MAGI2: variants seen among roughly 807,000 people sequenced by gnomAD.
MAGI2 encodes the protein membrane-associated guanylate kinase, WW and PDZ domain-containing protein 2.
A neutral mutation model predicts 133.3 loss-of-function variants in MAGI2; 35 were observed. That is an observed-to-expected ratio of 0.26 (90% CI 0.20 to 0.35). The LOEUF is 0.35. Ranked by LOEUF, MAGI2 falls within the 10% of genes least tolerant of loss-of-function variation. The pLI, the probability that MAGI2 is intolerant of heterozygous loss-of-function variation, is 1.00. For missense variants in MAGI2, 1,636 were observed against 1,863.4 expected (o/e 0.88, Z 2.25); for synonymous variants, 729 against 710.6 (o/e 1.03, Z -0.41).
chr7:78,113,824 T>C (rs536910442), intron 20 of MAGI2, among the ~76,000 whole-genome samples: 118 of 152,196 alleles, frequency 7.8e-4, no homozygotes, highest in Non-Finnish European at 1.6e-3. Flanking sequence ...AGTAGAAGAA[T>C]AGAAGAAATT....
chr7:78,512,054 C>A (rs140686465), intron 4 of MAGI2, among the ~76,000 whole-genome samples: 1 of 150,810 alleles, frequency 6.6e-6, no homozygotes, highest in Non-Finnish European at 1.5e-5. Flanking sequence ...ACCAGGGAGG[C>A]GGAGCTTGCG....
rs911654546 is a variant in MAGI2, at chr7:78,404,555, A to G, written c.1046-35342T>C. Among the ~76,000 whole-genome samples the G allele has an allele frequency of 1.3e-5, 2 of 152,130 alleles. 1 individual carries two copies. The highest frequency in any genetic ancestry group is 1.3e-4 in the Admixed American group (2 of 15,272). On this transcript the variant is annotated intron_variant, in intron 6 of 21. Transcript: ENST00000354212. ...CTGATCTTTGACAAACCTGACAAAAAGAAGAAATGGGGAAAGGATTCCCTA... is the reference window on the plus strand; with the variant it reads ...CTGATCTTTGACAAACCTGACAAAAGGAAGAAATGGGGAAAGGATTCCCTA...
intron 21 of MAGI2, among the ~76,000 whole-genome samples, chr7:78,062,152 C>T (rs1360319410): frequency 6.6e-6 from 1 of 152,220 alleles, no homozygotes; most frequent in Non-Finnish European, 1.5e-5. Context: ...TGGTATCTTA[C>T]TCATCTTTGC....
At chr7:78,622,617 C>T (rs934075509) in intron 3 of MAGI2, among the ~76,000 whole-genome samples, 8 of 152,058 alleles carry the variant, frequency 5.3e-5, no homozygotes, top group African/African-American at 1.9e-4. Context: ...AAAAACAAAA[C>T]TCCCAAAAAA....
chr7:78,383,978 G>A (rs1795154652), intron 6 of MAGI2, among the ~76,000 whole-genome samples: 1 of 151,946 alleles, frequency 6.6e-6, no homozygotes, highest in Admixed American at 6.6e-5. Flanking sequence ...CCAATACCAT[G>A]TTGTTTTGGT....
intron 2 of MAGI2, among the ~76,000 whole-genome samples, chr7:78,749,838 T>A (rs1412344200): frequency 6.6e-6 from 1 of 152,122 alleles, no homozygotes; most frequent in African/African-American, 2.4e-5. Context: ...AAAGAAAAAT[T>A]TGATTTATAT....
chr7:79,310,460 C>G (rs1838196119), intron 1 of MAGI2, among the ~76,000 whole-genome samples: 1 of 152,170 alleles, frequency 6.6e-6, no homozygotes, highest in South Asian at 2.1e-4. Context: ...ATTTGATATG[C>G]CTGGGATCCA....
intron 1 of MAGI2, among the ~76,000 whole-genome samples, chr7:79,111,842 A>AT (rs1198700535): frequency 6.6e-6 from 1 of 151,772 alleles, no homozygotes; most frequent in Non-Finnish European, 1.5e-5. Context: ...AATTTTTTGT[A>AT]TTTTTTAGTA....
chr7:78,644,125 G>GA (rs915136831), intron 2 of MAGI2, among the ~76,000 whole-genome samples: 2 of 151,228 alleles, frequency 1.3e-5, no homozygotes, highest in African/African-American at 4.8e-5. Flanking sequence ...TCCTTAACAG[G>GA]AAAAAAAATA....
At chr7:78,648,368 G>A (rs958142024) in intron 2 of MAGI2, among the ~76,000 whole-genome samples, 1 of 152,098 alleles carries the variant, frequency 6.6e-6, no homozygotes, top group Non-Finnish European at 1.5e-5. Flanking sequence ...GCAGTAATAG[G>A]AAGAAGCCTT....
At chr7:79,307,616 AG>A (rs1245690266) in intron 1 of MAGI2, among the ~76,000 whole-genome samples, 1 of 152,182 alleles carries the variant, frequency 6.6e-6, no homozygotes, top group Non-Finnish European at 1.5e-5. Flanking sequence ...GTCAGCAAAA[AG>A]AAATAACGAG....
intron 2 of MAGI2, among the ~76,000 whole-genome samples, chr7:78,883,333 AT>A (rs1257500743): frequency 6.6e-6 from 1 of 151,946 alleles, no homozygotes; most frequent in Non-Finnish European, 1.5e-5. Flanking sequence ...GAGGTGAAAG[AT>A]TTTTGCAAAG....
intron 3 of MAGI2, among the ~76,000 whole-genome samples, chr7:78,534,107 A>T (rs62468583): frequency 0.071 from 10,875 of 152,304 alleles, 505 homozygotes; most frequent in Non-Finnish European, 0.11. Context: ...TGACATAAGC[A>T]CAGTCCTCTT....
chr7:78,894,949 A>C (rs1797084399), intron 2 of MAGI2, among the ~76,000 whole-genome samples: 1 of 152,190 alleles, frequency 6.6e-6, no homozygotes, highest in South Asian at 2.1e-4. Context: ...AACATCTGCT[A>C]TGGTTTGAAT....
intron 2 of MAGI2, among the ~76,000 whole-genome samples, chr7:78,887,693 G>A (rs1432676445): frequency 6.6e-6 from 1 of 152,124 alleles, no homozygotes; most frequent in Non-Finnish European, 1.5e-5. Flanking sequence ...TTTATCAACT[G>A]GATTCACAGA....
At chr7:78,570,004 A>G (rs550989040) in intron 3 of MAGI2, among the ~76,000 whole-genome samples, 5 of 152,162 alleles carry the variant, frequency 3.3e-5, no homozygotes, top group Non-Finnish European at 7.4e-5. Context: ...AGAGTATTCT[A>G]TTGCTTAGAT....
At chr7:79,107,059 C>A (rs534248024) in intron 1 of MAGI2, among the ~76,000 whole-genome samples, 2 of 152,218 alleles carry the variant, frequency 1.3e-5, no homozygotes, top group East Asian at 1.9e-4. Flanking sequence ...GAATAGGTTC[C>A]ATTATTTGGC....
intron 2 of MAGI2, among the ~76,000 whole-genome samples, chr7:78,899,132 C>T (rs951257591): frequency 6.6e-6 from 1 of 152,040 alleles, no homozygotes; most frequent in East Asian, 1.9e-4. Context: ...ACATTTAAAA[C>T]AGAAAACAAG....
chr7:78,423,136 C>A (rs531859847), intron 6 of MAGI2, among the ~76,000 whole-genome samples: 1 of 152,342 alleles, frequency 6.6e-6, no homozygotes, highest in African/African-American at 2.4e-5. Context: ...GTAACTCCTA[C>A]AATTCCCATG....
Sources: allele counts gnomAD v4.1 joint callset (sites outside exome capture counted in the v4.1 genomes callset), GRCh38; gene constraint gnomAD v4.1.1; transcripts MANE v1.5; gene names NCBI Gene and HGNC (gene_info 2026-07-23, HGNC 2026-07-21).